Variants in PHF14 observed in about 807,000 individuals in gnomAD.
PHF14 encodes PHD finger protein 14.
A neutral mutation model predicts 117.9 loss-of-function variants in PHF14; 55 were observed. The ratio of observed to expected loss-of-function variants is 0.47; its 90% CI spans 0.38 to 0.58. PHF14 has a LOEUF of 0.58. Ranked by LOEUF, PHF14 falls within the 20% of genes least tolerant of loss-of-function variation. The pLI, the probability that PHF14 is intolerant of heterozygous loss-of-function variation, is 0.00. For missense variants in PHF14, 978 were observed against 1,122.2 expected (o/e 0.87, Z 1.84); for synonymous variants, 409 against 368.6 (o/e 1.11, Z -1.26).
intron 16 of PHF14, among the ~76,000 whole-genome samples, chr7:11,098,152 C>T (rs564184757): frequency 1.3e-5 from 2 of 152,130 alleles, no homozygotes; most frequent in Non-Finnish European, 2.9e-5. Context: ...TACACTATCT[C>T]AATGTATTTA....
At chr7:11,015,421 A>G (rs1404651940) in intron 5 of PHF14, among the ~76,000 whole-genome samples, 2 of 152,124 alleles carry the variant, frequency 1.3e-5, no homozygotes, top group South Asian at 4.1e-4. Flanking sequence ...ATATATAACA[A>G]ATGATTTGAT....
chr7:11,066,767 C>A (rs1211802410), intron 16 of PHF14, among the ~76,000 whole-genome samples: 1 of 152,122 alleles, frequency 6.6e-6, no homozygotes. Flanking sequence ...CTATTATATT[C>A]CATTGAGTTA....
At chr7:11,137,328 A>T (rs1788249864) in intron 17 of PHF14, among the ~76,000 whole-genome samples, 4 of 152,188 alleles carry the variant, frequency 2.6e-5, no homozygotes, top group Non-Finnish European at 2.9e-5. Flanking sequence ...GATACTTCTT[A>T]TGCTTGATCT....
At chr7:11,166,031 A>G (rs2128358408) in intron 17 of PHF14, among the ~76,000 whole-genome samples, 1 of 152,308 alleles carries the variant, frequency 6.6e-6, no homozygotes, top group Middle Eastern at 3.4e-3. Flanking sequence ...GTCATTTGAT[A>G]TTACAGGTGT....
intron 16 of PHF14, among the ~76,000 whole-genome samples, chr7:11,101,453 A>G (rs960156551): frequency 2.0e-5 from 3 of 151,930 alleles, no homozygotes; most frequent in South Asian, 4.1e-4. Context: ...CTCTTCACTT[A>G]GAGACTGAAG....
Position 10,982,833 on chromosome 7 carries a change from C to T in PHF14, c.574C>T (p.Leu192=). 1.9e-6 allele frequency: 3 copies of T among 1,613,888 alleles called. No homozygotes were observed. The highest frequency in any genetic ancestry group is 2.5e-6 in the Non-Finnish European group (3 of 1,179,862). ...GAACCTTCGACGAAACCGACCACTT[C>T]TGGATTTTGTGTCCATGGAAGAGCT... ...KWNLRRNRPL[L]DFVSMEELND... is the part of the protein sequence containing the mutation. Residue 192 remains leucine (L), a synonymous_variant, in exon 3 of 18, where the codon CTG becomes TTG. Coordinates refer to ENST00000634607, the MANE Select transcript of PHF14 (RefSeq NM_001007157.2).
chr7:10,990,607 A>G (rs1197358650), intron 3 of PHF14, 96 bp from the exon 4 acceptor site: 2 of 694,948 alleles, frequency 2.9e-6, no homozygotes, highest in Non-Finnish European at 4.7e-6. Context: ...TTGGAAATGC[A>G]TATAATAATG....
chr7:10,980,136 A>G (rs1257677917), intron 2 of PHF14, among the ~76,000 whole-genome samples: 1 of 152,154 alleles, frequency 6.6e-6, no homozygotes, highest in Admixed American at 6.6e-5. Context: ...TTTACCAAGT[A>G]ATAGCAAAGT....
At chr7:11,169,382 T>C (rs1210446989) in intron 17 of PHF14, 34 bp from the exon 18 acceptor site, 2 of 1,019,298 alleles carry the variant, frequency 2.0e-6, no homozygotes, top group African/African-American at 1.7e-5. Context: ...CTCTAAAGTT[T>C]ATATTTTAAT....
chr7:11,013,667 G>T lies in PHF14; in HGVS notation c.1046-80G>T. 4 of 689,486 alleles carry T rather than the reference G, an allele frequency of 5.8e-6. No homozygotes were observed. In the East Asian group the frequency reaches 8.4e-5, roughly 14 times the overall value. 42.7% of individuals were successfully genotyped at this position (689,486 alleles called of 1,614,324 possible). On this transcript the variant is annotated intron_variant, in intron 4 of 17. Coordinates refer to ENST00000634607, the MANE Select transcript of PHF14 (RefSeq NM_001007157.2). ...TTCATATCTTTTTCCTCATCTCTTT[G>T]CTATTCTTTTTCTTTTGTGATTTTA...
At chr7:11,045,116 G>A (rs1784623228) in intron 13 of PHF14, among the ~76,000 whole-genome samples, 1 of 152,128 alleles carries the variant, frequency 6.6e-6, no homozygotes, top group Admixed American at 6.5e-5. Flanking sequence ...AATTGCCATA[G>A]TTAGGAGTAT....
chr7:10,984,863 G>A (rs765755806), intron 3 of PHF14, among the ~76,000 whole-genome samples: 1 of 152,086 alleles, frequency 6.6e-6, no homozygotes, highest in African/African-American at 2.4e-5. Context: ...AGTAAATAAA[G>A]GGACCTTTTA....
chr7:11,058,967 G>C (rs1255214701), intron 14 of PHF14, among the ~76,000 whole-genome samples: 1 of 151,968 alleles, frequency 6.6e-6, no homozygotes, highest in Non-Finnish European at 1.5e-5. Flanking sequence ...AATTGTTTAT[G>C]TGTCTTGTGT....
chr7:11,088,867 G>A (rs1786530330), intron 16 of PHF14, among the ~76,000 whole-genome samples: 1 of 151,948 alleles, frequency 6.6e-6, no homozygotes, highest in Admixed American at 6.5e-5. Flanking sequence ...TATTTACATA[G>A]GAATGAGGAA....
intron 16 of PHF14, chr7:11,107,408 T>A: frequency 1.2e-6 from 1 of 837,140 alleles, no homozygotes; most frequent in Non-Finnish European, 1.4e-6. Context: ...ATTAAGCTAC[T>A]TTGTTATTTA....
chr7:11,139,229 A>T (rs1483224712), intron 17 of PHF14, among the ~76,000 whole-genome samples: 1 of 152,202 alleles, frequency 6.6e-6, no homozygotes, highest in South Asian at 2.1e-4. Flanking sequence ...TTTATTAAAA[A>T]ACATATTGAG....
chr7:11,011,524 A>G (rs1311580019), intron 4 of PHF14, among the ~76,000 whole-genome samples: 1 of 151,688 alleles, frequency 6.6e-6, no homozygotes, highest in Admixed American at 6.6e-5. Context: ...ACTTGGCACC[A>G]AGACCTACCC....
At chr7:11,068,024 C>T (rs1785480764) in intron 16 of PHF14, among the ~76,000 whole-genome samples, 1 of 152,080 alleles carries the variant, frequency 6.6e-6, no homozygotes, top group Non-Finnish European at 1.5e-5. Flanking sequence ...CCATAGCATA[C>T]ATACAGTAGA....
intron 17 of PHF14, among the ~76,000 whole-genome samples, chr7:11,152,745 TAATA>T (rs1481866997): frequency 6.6e-6 from 1 of 152,172 alleles, no homozygotes; most frequent in Non-Finnish European, 1.5e-5. Flanking sequence ...CATTTTATTG[TAATA>T]AATGTTATGG....
Sources: gnomAD v4.1 joint callset for allele counts (sites outside exome capture counted in the v4.1 genomes callset) on GRCh38, gnomAD v4.1.1 for gene constraint, MANE v1.5 for transcripts, NCBI Gene and HGNC (gene_info 2026-07-23, HGNC 2026-07-21) for gene names.